AK6: variants seen among roughly 807,000 people sequenced by gnomAD.
The protein encoded by AK6 is adenylate kinase 6.
AK6 carries 24 observed loss-of-function variants against 23.7 expected under a neutral mutation model. The observed-to-expected ratio is 1.01, with a 90% CI of 0.73 to 1.43. The LOEUF is 1.43. Ranked by LOEUF, AK6 falls within the 40% of genes most tolerant of loss-of-function variation. The pLI, the probability that AK6 is intolerant of heterozygous loss-of-function variation, is 0.00. For missense variants in AK6, 191 were observed against 199.1 expected (o/e 0.96, Z 0.24); for synonymous variants, 73 against 69.8 (o/e 1.05, Z -0.23).
At chr5:69,358,255 G>A (rs1762133103) in intron 2 of AK6, among the ~76,000 whole-genome samples, 1 of 152,078 alleles carries the variant, frequency 6.6e-6, no homozygotes, top group Non-Finnish European at 1.5e-5. Context: ...CGGTGCGGTG[G>A]CTCATGCCTG....
At chr5:69,369,405 G>C in intron 1 of AK6, 58 bp downstream of exon 1, 2 of 1,593,720 alleles carry the variant, frequency 1.3e-6, no homozygotes, top group South Asian at 1.1e-5. Flanking sequence ...CCGATGCCCA[G>C]AGCACTCTGC....
intron 2 of AK6, chr5:69,365,908 G>T: frequency 5.2e-6 from 1 of 191,346 alleles, no homozygotes; most frequent in Middle Eastern, 2.7e-3. Context: ...TTTTAATGAG[G>T]CAACTTAAGG....
Position 69,351,083 on chromosome 5 carries a change from A to C in AK6, c.*978T>G, listed in dbSNP as rs1412070490. On this transcript the variant is annotated 3_prime_UTR_variant, in exon 5 of 5. Transcript: ENST00000380822. ...CAAGGGGATGAGGAGGAAAGAATAG[A>C]GAGTGACTGCTAAAGGGTATAGGAG... 4 of 152,358 alleles carry C rather than the reference A, an allele frequency of 2.6e-5. No homozygotes were observed. Among genetic ancestry groups the C allele is most frequent in the East Asian group, 1.9e-4 (1 of 5,194 alleles). 9.4% of individuals were successfully genotyped at this position (152,358 alleles called of 1,614,324 possible).
intron 2 of AK6, among the ~76,000 whole-genome samples, chr5:69,360,610 G>A (rs777502190): frequency 2.6e-5 from 4 of 152,114 alleles, no homozygotes; most frequent in Non-Finnish European, 5.9e-5. Context: ...CAATATGGCT[G>A]CAATGAAATC....
intron 2 of AK6, among the ~76,000 whole-genome samples, chr5:69,359,016 G>A (rs1415279624): frequency 6.6e-6 from 1 of 151,694 alleles, no homozygotes; most frequent in Non-Finnish European, 1.5e-5. Flanking sequence ...CGAGGTGGGA[G>A]GATCTCTTGA....
chr5:69,369,619 A>C (rs1374890210), upstream of AK6: 5 of 1,575,234 alleles, frequency 3.2e-6, no homozygotes, highest in East Asian at 1.2e-4. Context: ...CGGCGCCCCT[A>C]GCCTGCCCCG....
At chr5:69,364,894 T>C (rs202001793) in intron 2 of AK6, 30 of 1,514,758 alleles carry the variant, frequency 2.0e-5, no homozygotes, top group Admixed American at 5.4e-5. Flanking sequence ...TTAATATCAG[T>C]ACAATGAATT....
chr5:69,369,148 T>C, intron 1 of AK6: 1 of 463,380 alleles, frequency 2.2e-6, no homozygotes, highest in South Asian at 3.9e-5. Context: ...CAACAACCCA[T>C]TTTACAAACG....
At chr5:69,365,880 A>C in intron 2 of AK6, 1 of 618,358 alleles carries the variant, frequency 1.6e-6, no homozygotes, top group Non-Finnish European at 2.5e-6. Flanking sequence ...TTAAAATTTA[A>C]ACCATATGTT....
intron 1 of AK6, among the ~76,000 whole-genome samples, chr5:69,366,995 G>A (rs372223370): frequency 1.3e-5 from 2 of 151,968 alleles, no homozygotes; most frequent in Non-Finnish European, 2.9e-5. Context: ...CTAACCTCAG[G>A]TGATCTGCCA....
chr5:69,358,373 T>TAGC (rs1762135686), intron 2 of AK6, among the ~76,000 whole-genome samples: 1 of 151,924 alleles, frequency 6.6e-6, no homozygotes, highest in South Asian at 2.1e-4. Context: ...ATACAAAAGT[T>TAGC]AGCCAGGCGT....
chr5:69,355,457 G>A (rs1762056810), intron 4 of AK6, 192 bp downstream of exon 4: 2 of 530,242 alleles, frequency 3.8e-6, no homozygotes, highest in Non-Finnish European at 6.4e-6. Context: ...CTTGAACCAG[G>A]GAGGTGGAGG....
upstream of AK6, chr5:69,369,578 C>T (rs1762777360): frequency 3.1e-6 from 5 of 1,604,046 alleles, no homozygotes; most frequent in African/African-American, 1.3e-5. Flanking sequence ...GCAGCAAAAG[C>T]CCACGGCCCC....
In AK6 at chr5:69,355,884, G is replaced by C. The variant is rs1404546591; in HGVS notation, c.180+11C>G. On this transcript the variant is annotated intron_variant, in intron 3 of 4. Coordinates refer to ENST00000380822, the MANE Select transcript of AK6 (RefSeq NM_016283.5). The stretch of plus-strand genomic sequence containing the variant: ...CAACAAATGCATACTTTATGAAAAA[G>C]TCATACTTACTCTGTCTTCATCTAA... The C allele has an allele frequency of 3.1e-6, 5 of 1,605,520 alleles. No homozygotes were observed. The highest frequency in any genetic ancestry group is 4.2e-6 in the Non-Finnish European group (5 of 1,177,438).
chr5:69,366,823 A>G (rs1055093395), intron 1 of AK6: 7 of 490,950 alleles, frequency 1.4e-5, no homozygotes, highest in Non-Finnish European at 2.2e-5. Context: ...CAGTGGCACA[A>G]TCTTGGCTCA....
At chr5:69,364,973 ATCG>A (rs774927524) in intron 2 of AK6, 14 of 1,612,792 alleles carry the variant, frequency 8.7e-6, no homozygotes, top group South Asian at 3.3e-5. Flanking sequence ...CATCATCATC[ATCG>A]TCATCATCAT....
intron 2 of AK6, among the ~76,000 whole-genome samples, chr5:69,360,815 G>A (rs374456594): frequency 2.0e-5 from 3 of 152,140 alleles, no homozygotes; most frequent in South Asian, 2.1e-4. Flanking sequence ...AATACCTTAC[G>A]CTTTGCAAGC....
intron 2 of AK6, among the ~76,000 whole-genome samples, chr5:69,361,969 C>T (rs1307774970): frequency 1.4e-3 from 151 of 104,826 alleles, no homozygotes; most frequent in African/African-American, 5.1e-3. Flanking sequence ...ACTTGATTCC[C>T]TTTTTTTTTT....
upstream of AK6, chr5:69,369,582 CGGCCCCAAA>C (rs1322609339): frequency 1.2e-6 from 2 of 1,602,688 alleles, no homozygotes; most frequent in Non-Finnish European, 1.7e-6. Flanking sequence ...CAAAAGCCCA[CGGCCCCAAA>C]GGCCCCGAAG....
Sources: allele counts gnomAD v4.1 joint callset (sites outside exome capture counted in the v4.1 genomes callset), GRCh38; gene constraint gnomAD v4.1.1; transcripts MANE v1.5; gene names NCBI Gene and HGNC (gene_info 2026-07-23, HGNC 2026-07-21).